Variants in GRIP1 observed in about 807,000 individuals in gnomAD.
The protein encoded by GRIP1 is glutamate receptor-interacting protein 1.
In GRIP1, 45 loss-of-function variants were observed where a neutral mutation model predicts 129.9. The ratio of observed to expected loss-of-function variants is 0.35; its 90% CI spans 0.27 to 0.44. The LOEUF is 0.44. GRIP1 is among the 20% of genes least tolerant of loss of function. GRIP1 has a pLI of 1.00. For missense variants in GRIP1, 1,196 were observed against 1,396.8 expected (o/e 0.86, Z 2.29); for synonymous variants, 530 against 520.8 (o/e 1.02, Z -0.24).
At position 66,777,797 on chromosome 12, in the gene GRIP1, T is replaced by C. The variant is rs1409249199; in HGVS notation, c.-420+26256A>G. ...CCAAAAAGTATGTAAGAAATTGTGT[T>C]TGACTTTGAGAAGAAAGACTAAAGA... On this transcript the variant is annotated intron_variant, in intron 1 of 4. Transcript: ENST00000538373. Among the ~76,000 whole-genome samples the C allele has an allele frequency of 4.6e-5, 7 of 152,282 alleles. No homozygotes were observed. In the East Asian group the frequency reaches 1.2e-3, roughly 25 times the overall value.
intron 1 of GRIP1, among the ~76,000 whole-genome samples, chr12:67,042,491 T>C (rs889253707): frequency 3.9e-5 from 6 of 152,178 alleles, no homozygotes; most frequent in Non-Finnish European, 7.3e-5. Context: ...TGTAATTTCA[T>C]TCTATTTCAA....
At chr12:66,392,251 G>T (rs2056616485) in intron 19 of GRIP1, 57 bp downstream of exon 19, 2 of 1,012,300 alleles carry the variant, frequency 2.0e-6, no homozygotes, top group Non-Finnish European at 3.2e-6. Flanking sequence ...GATGAATCTT[G>T]GAGAAGCATG....
chr12:66,749,557 T>C (rs762121315), intron 1 of GRIP1, among the ~76,000 whole-genome samples: 37 of 152,356 alleles, frequency 2.4e-4, no homozygotes, highest in South Asian at 8.3e-4. Context: ...TTTGTAAAAC[T>C]GTAATCCTTT....
At chr12:67,057,849 C>T (rs1396671943) in intron 1 of GRIP1, among the ~76,000 whole-genome samples, 1 of 152,182 alleles carries the variant, frequency 6.6e-6, no homozygotes, top group African/African-American at 2.4e-5. Flanking sequence ...ACTTATATTG[C>T]CTTGTTCAAG....
chr12:66,662,197 A>C (rs1377491344), intron 1 of GRIP1, among the ~76,000 whole-genome samples: 1 of 151,980 alleles, frequency 6.6e-6, no homozygotes, highest in Non-Finnish European at 1.5e-5. Flanking sequence ...GCCCCTCTAG[A>C]GAGGTTTTCC....
intron 1 of GRIP1, among the ~76,000 whole-genome samples, chr12:66,964,143 G>A (rs535209371): frequency 1.3e-4 from 20 of 152,166 alleles, no homozygotes; most frequent in African/African-American, 4.3e-4. Context: ...AATGTTTCCC[G>A]CAGTGCTGCC....
intron 1 of GRIP1, among the ~76,000 whole-genome samples, chr12:66,812,863 G>C (rs918616475): frequency 6.6e-6 from 1 of 152,186 alleles, no homozygotes; most frequent in African/African-American, 2.4e-5. Flanking sequence ...TAAACAGTAT[G>C]TTTCCATGAA....
In GRIP1 at chr12:66,455,450, A is replaced by G; in HGVS notation, c.1313T>C (p.Met438Thr). The G allele has an allele frequency of 6.2e-7, 1 of 1,613,972 alleles. No homozygotes were observed. Among genetic ancestry groups the G allele is most frequent in the Non-Finnish European group, 8.5e-7 (1 of 1,179,938 alleles). Residue 438 changes from methionine to threonine, a missense_variant, in exon 11 of 25, where the codon ATG (methionine) becomes ACG (threonine). By Grantham distance (81) the Met-to-Thr change is moderately conservative (BLOSUM62 -1). Around this residue, in one of 5 missense-constraint regions of GRIP1, gnomAD observed 508 missense variants for 587.0 expected, o/e 0.87. Transcript: ENST00000359742. The part of the protein sequence containing the change: ...SLYSTSPRGT[M>T]MRRRLKKKDF... The stretch of plus-strand genomic sequence containing the variant: ...TTTCTTTTTCAGTCTCCTCCTCATC[A>G]TGGTTCCACGTGGGCTGGTGGAGTA...
chr12:66,627,555 C>T (rs2030232433), intron 1 of GRIP1, among the ~76,000 whole-genome samples: 1 of 152,206 alleles, frequency 6.6e-6, no homozygotes, highest in South Asian at 2.1e-4. Flanking sequence ...GTCTAATTAG[C>T]ATCCATTTCT....
chr12:66,447,493 T>C (rs919309032), intron 11 of GRIP1, among the ~76,000 whole-genome samples: 2 of 152,244 alleles, frequency 1.3e-5, no homozygotes, highest in Non-Finnish European at 2.9e-5. Context: ...TCATTTCCTA[T>C]AAGACTGAAA....
chr12:66,603,089 T>G (rs539861178), intron 1 of GRIP1, among the ~76,000 whole-genome samples: 2 of 151,734 alleles, frequency 1.3e-5, no homozygotes, highest in East Asian at 3.9e-4. Context: ...CAAAAACTCC[T>G]GGCCTCAAGT....
Position 66,539,198 on chromosome 12 carries a change from A to C in GRIP1, c.298T>G (p.Tyr100Asp). 1 of 1,613,864 alleles carries C rather than the reference A, an allele frequency of 6.2e-7. No individual in the cohort carries two copies. Among genetic ancestry groups the C allele is most frequent in the Non-Finnish European group, 8.5e-7 (1 of 1,179,776 alleles). ...TTGATTCCATTCACTGCTTTGATGT[A>C]GTCACCCACATCCAGCTGGTCACTT... ...ARSDQLDVGD[Y>D]IKAVNGINLA... is the part of the protein sequence containing the mutation. Residue 100 changes from tyrosine (Y) to aspartate (D), a missense_variant, in exon 4 of 25, where the codon TAC becomes GAC. Around this residue, in one of 5 missense-constraint regions of GRIP1, gnomAD observed 217 missense variants for 224.8 expected, o/e 0.97. Transcript: ENST00000359742.
Position 66,827,381 on chromosome 12 carries a change from TGTGTGTGAGA to T in GRIP1, c.59-230464_59-230455del, listed in dbSNP as rs886357084. On this transcript the variant is annotated intron_variant, in intron 1 of 1. Coordinates refer to the GRIP1 transcript ENST00000643019. ...AAAACCAGGTGTGTGTGTGTGTGTGTGTGTGTGAGAGAGAGAGAGAGAGAGAGAGAGAGAG... is the reference window on the plus strand; with the variant it reads ...AAAACCAGGTGTGTGTGTGTGTGTGTGAGAGAGAGAGAGAGAGAGAGAGAG... Among the ~76,000 whole-genome samples, 47 of 96,272 alleles carry T rather than the reference TGTGTGTGAGA, an allele frequency of 4.9e-4. No homozygotes were observed. In the South Asian group the frequency reaches 0.01, roughly 21 times the overall value. 63.2% of individuals were successfully genotyped at this position (96,272 alleles called of 152,430 possible). A position where few individuals can be genotyped will look rare whatever the true frequency, so the allele number is the denominator to read the frequency against.
At position 66,425,835 on chromosome 12, in the gene GRIP1, G is replaced by C. The variant is rs921928699; in HGVS notation, c.1769-5046C>G. Among the ~76,000 whole-genome samples, 7 of 152,164 alleles carry C rather than the reference G, an allele frequency of 4.6e-5. No individual in the cohort carries two copies. The East Asian group carries it at 1.2e-3, about 25-fold the overall frequency. ...CGGGGACAGTTGTGGGGTGGGGGAA[G>C]GGGGGAGGGATAGCATTAGGAGATA... On this transcript the variant is annotated intron_variant, in intron 14 of 24. Coordinates refer to ENST00000359742, the MANE Select transcript of GRIP1 (RefSeq NM_001366722.1).
chr12:66,857,142 A>G (rs944654091), intron 1 of GRIP1, among the ~76,000 whole-genome samples: 17 of 149,080 alleles, frequency 1.1e-4, no homozygotes, highest in Non-Finnish European at 2.4e-4. Flanking sequence ...CAAACACCGC[A>G]TGTTCTCACT....
intron 1 of GRIP1, among the ~76,000 whole-genome samples, chr12:66,657,288 C>T (rs2136174963): frequency 6.6e-6 from 1 of 152,236 alleles, no homozygotes; most frequent in South Asian, 2.1e-4. Context: ...CCCTCCCCAC[C>T]ACCCTGGTCC....
chr12:66,489,887 A>G (rs956365781), intron 7 of GRIP1, among the ~76,000 whole-genome samples: 2 of 152,294 alleles, frequency 1.3e-5, no homozygotes, highest in South Asian at 2.1e-4. Context: ...CAATTGCTAC[A>G]AAGAAAATAA....
intron 1 of GRIP1, among the ~76,000 whole-genome samples, chr12:66,973,000 T>G (rs2042096397): frequency 6.6e-6 from 1 of 152,112 alleles, no homozygotes; most frequent in Admixed American, 6.6e-5. Flanking sequence ...AGCCCTGAAA[T>G]GTAACATAAC....
chr12:66,791,279 A>G (rs1566024027), intron 1 of GRIP1, among the ~76,000 whole-genome samples: 1 of 152,184 alleles, frequency 6.6e-6, no homozygotes, highest in Non-Finnish European at 1.5e-5. Flanking sequence ...AGTAGCCTCT[A>G]TCTTCAGTTC....
Sources: allele counts gnomAD v4.1 joint callset (sites outside exome capture counted in the v4.1 genomes callset), GRCh38; gene constraint gnomAD v4.1.1; regional missense constraint gnomAD v4.1.1; transcripts MANE v1.5; gene names NCBI Gene and HGNC (gene_info 2026-07-23, HGNC 2026-07-21).